The following STXBP5L variants were observed in gnomAD, a reference collection of about 807,000 sequenced individuals.
STXBP5L encodes the protein syntaxin-binding protein 5-like.
STXBP5L carries 65 observed loss-of-function variants against 144.5 expected under a neutral mutation model. The observed-to-expected ratio is 0.45, with a 90% CI of 0.37 to 0.55. STXBP5L has a LOEUF of 0.55. Among genes scored for constraint, STXBP5L ranks in the 20% least tolerant of loss-of-function variants. STXBP5L has a pLI of 0.00. For synonymous variants in STXBP5L, 505 were observed against 469.6 expected (o/e 1.08, Z -0.97); for missense variants, 1,298 against 1,405.5 (o/e 0.92, Z 1.22).
At chr3:121,315,195 C>T (rs529606496) in intron 19 of STXBP5L, among the ~76,000 whole-genome samples, 1 of 152,152 alleles carries the variant, frequency 6.6e-6, no homozygotes, top group East Asian at 1.9e-4. Flanking sequence ...CGTATGTTTA[C>T]TGCAGCACTA....
intron 9 of STXBP5L, among the ~76,000 whole-genome samples, chr3:121,183,179 C>T (rs764581043): frequency 1.3e-5 from 2 of 152,142 alleles, no homozygotes; most frequent in African/African-American, 4.8e-5. Context: ...AACCCACAGT[C>T]AACGTCATAC....
intron 18 of STXBP5L, among the ~76,000 whole-genome samples, chr3:121,271,038 G>A (rs148057664): frequency 1.2e-3 from 184 of 152,228 alleles, no homozygotes; most frequent in Non-Finnish European, 2.0e-3. Context: ...ATAATAGTTT[G>A]TGGGGAGATA....
intron 7 of STXBP5L, among the ~76,000 whole-genome samples, chr3:121,125,481 T>C (rs1056795560): frequency 6.6e-6 from 1 of 151,590 alleles, no homozygotes; most frequent in Admixed American, 6.6e-5. Context: ...AAAAAAAAAA[T>C]CAAGATAATG....
chr3:121,347,050 T>A (rs559095970), intron 20 of STXBP5L, among the ~76,000 whole-genome samples: 23 of 152,336 alleles, frequency 1.5e-4, no homozygotes, highest in Non-Finnish European at 2.8e-4. Flanking sequence ...TGAATGGTAT[T>A]GCCTAGGTTT....
intron 18 of STXBP5L, among the ~76,000 whole-genome samples, chr3:121,266,719 T>G (rs979689739): frequency 6.6e-6 from 1 of 152,192 alleles, no homozygotes; most frequent in African/African-American, 2.4e-5. Flanking sequence ...ATTGTATATT[T>G]AGAAAACCCT....
intron 5 of STXBP5L, among the ~76,000 whole-genome samples, chr3:121,091,584 G>A (rs1576920889): frequency 1.3e-5 from 2 of 152,286 alleles, no homozygotes; most frequent in South Asian, 4.1e-4. Context: ...CTTCTTTTGA[G>A]AAGTGTATGT....
intron 5 of STXBP5L, among the ~76,000 whole-genome samples, chr3:121,093,612 G>T (rs1560122350): frequency 6.6e-6 from 1 of 152,096 alleles, no homozygotes; most frequent in Non-Finnish European, 1.5e-5. Flanking sequence ...TGGGATCAGT[G>T]GTGATATCCC....
chr3:121,099,372 C>G (rs548062733), intron 5 of STXBP5L: 56 of 152,194 alleles, frequency 3.7e-4, no homozygotes, highest in African/African-American at 1.3e-3. Flanking sequence ...TCTTTATACA[C>G]AGCCTGATCT....
At chr3:121,063,665 G>C (rs924423654) in intron 5 of STXBP5L, among the ~76,000 whole-genome samples, 7 of 152,210 alleles carry the variant, frequency 4.6e-5, no homozygotes, top group Non-Finnish European at 1.0e-4. Flanking sequence ...TGGGGCTGCT[G>C]CCTTTCTTTC....
chr3:121,133,559 T>A (rs1409810783), intron 7 of STXBP5L, among the ~76,000 whole-genome samples: 1 of 152,124 alleles, frequency 6.6e-6, no homozygotes, highest in Non-Finnish European at 1.5e-5. Flanking sequence ...GTAAGAGAGA[T>A]AAAACCTTTC....
At chr3:121,166,719 C>A (rs1448924293) in intron 9 of STXBP5L, among the ~76,000 whole-genome samples, 1 of 152,028 alleles carries the variant, frequency 6.6e-6, no homozygotes, top group Non-Finnish European at 1.5e-5. Flanking sequence ...GGTCATTGCT[C>A]AATATTAATA....
At chr3:120,949,609 G>A (rs1424073790) in intron 2 of STXBP5L, among the ~76,000 whole-genome samples, 1 of 152,036 alleles carries the variant, frequency 6.6e-6, no homozygotes, top group African/African-American at 2.4e-5. Context: ...GAGAGATGAG[G>A]ATCCAGTTTC....
intron 3 of STXBP5L, among the ~76,000 whole-genome samples, chr3:121,019,874 C>A (rs1455626397): frequency 2.0e-5 from 3 of 152,072 alleles, no homozygotes; most frequent in Admixed American, 1.3e-4. Context: ...TTCTTTGACA[C>A]CCCCAAAAGA....
chr3:121,310,036 A>G (rs913922656), intron 19 of STXBP5L, among the ~76,000 whole-genome samples: 1 of 152,232 alleles, frequency 6.6e-6, no homozygotes, highest in African/African-American at 2.4e-5. Flanking sequence ...TGTATGGCCA[A>G]TTTGTTTTTG....
At chr3:121,410,887 T>C (rs1357676916) in intron 23 of STXBP5L, among the ~76,000 whole-genome samples, 1 of 152,130 alleles carries the variant, frequency 6.6e-6, no homozygotes, top group African/African-American at 2.4e-5. Flanking sequence ...CTGAAGTGAC[T>C]ACACCTCTTT....
At chr3:121,059,334 A>G (rs1461863263) in intron 5 of STXBP5L, among the ~76,000 whole-genome samples, 1 of 151,998 alleles carries the variant, frequency 6.6e-6, no homozygotes, top group African/African-American at 2.4e-5. Context: ...AGGTCTGTAT[A>G]TCTGTTTTGT....
intron 11 of STXBP5L, among the ~76,000 whole-genome samples, chr3:121,231,154 G>C (rs752714144): frequency 1.3e-5 from 2 of 152,156 alleles, no homozygotes; most frequent in Non-Finnish European, 1.5e-5. Context: ...GTGGCCTCAA[G>C]AGTGTACGGC....
intron 20 of STXBP5L, among the ~76,000 whole-genome samples, chr3:121,354,899 T>A (rs1340125707): frequency 1.3e-5 from 2 of 152,150 alleles, no homozygotes; most frequent in Non-Finnish European, 2.9e-5. Flanking sequence ...GGTGACAAAA[T>A]CTCTCAGCAT....
intron 7 of STXBP5L, among the ~76,000 whole-genome samples, chr3:121,126,655 G>C (rs1288979361): frequency 6.6e-6 from 1 of 152,152 alleles, no homozygotes; most frequent in African/African-American, 2.4e-5. Context: ...AACTTCCTTT[G>C]AGGGCACTTG....
Sources: allele counts gnomAD v4.1 joint callset (sites outside exome capture counted in the v4.1 genomes callset), GRCh38; gene constraint gnomAD v4.1.1; transcripts MANE v1.5; gene names NCBI Gene and HGNC (gene_info 2026-07-23, HGNC 2026-07-21).